The following HDAC9 variants were observed in gnomAD, a reference collection of about 807,000 sequenced individuals.
HDAC9 encodes the protein MEF-2 interacting transcription repressor (MITR) protein.
A neutral mutation model predicts 139.4 loss-of-function variants in HDAC9; 41 were observed. The ratio of observed to expected loss-of-function variants is 0.29; its 90% CI spans 0.23 to 0.38. The LOEUF (loss-of-function observed/expected upper bound fraction) is 0.38, where lower values mean the gene tolerates loss of function less well. HDAC9 is among the 10% of genes least tolerant of loss of function. HDAC9 has a pLI of 1.00. For missense variants in HDAC9, 1,147 were observed against 1,297.0 expected (o/e 0.88, Z 1.78); for synonymous variants, 517 against 476.2 (o/e 1.09, Z -1.12).
rs74544568 is a variant in HDAC9 at position 18,932,683 on chromosome 7, G to T, written c.2804-3126G>T. Among the ~76,000 whole-genome samples the T allele has an allele frequency of 4.1e-3, 619 of 151,860 alleles. 3 individuals carry two copies. Among genetic ancestry groups the T allele is most frequent in the African/African-American group, 0.014 (578 of 41,414 alleles). The stretch of plus-strand genomic sequence containing the variant: ...TTGGAAGAGAATAAATAGGAGAAAA[G>T]AAAATACTCCTAAATAAAACATCAT... On this transcript the variant is annotated intron_variant, in intron 22 of 25. Transcript: ENST00000686413.
At chr7:18,338,950 C>T (rs1022785231) in intron 1 of HDAC9, among the ~76,000 whole-genome samples, 2 of 151,424 alleles carry the variant, frequency 1.3e-5, no homozygotes, top group South Asian at 2.1e-4. Flanking sequence ...TAATAAATAT[C>T]GTGCTATTCA....
chr7:18,796,232 G>A lies in HDAC9; in HGVS notation c.2322+2780G>A, dbSNP rs150917334. Among the ~76,000 whole-genome samples, 358 of 152,284 alleles carry A rather than the reference G, an allele frequency of 2.4e-3. 6 individuals carry two copies. Among genetic ancestry groups the A allele is most frequent in the Admixed American group, 0.016 (245 of 15,292 alleles). On this transcript the variant is annotated intron_variant, in intron 17 of 25. Coordinates refer to ENST00000686413, the MANE Select transcript of HDAC9 (RefSeq NM_178425.4). Reference sequence around the variant, plus strand: ...TAGAGGAGGTCTCTGAGATCACAGAGGATGAGGACCTAAAAGATAAGAAAT... The same window carrying A: ...TAGAGGAGGTCTCTGAGATCACAGAAGATGAGGACCTAAAAGATAAGAAAT...
chr7:18,894,619 A>G (rs1334676114), intron 22 of HDAC9, among the ~76,000 whole-genome samples: 6 of 152,146 alleles, frequency 3.9e-5, no homozygotes, highest in Non-Finnish European at 7.4e-5. Context: ...GCTGCTCTTG[A>G]GGAATTTTAT....
At chr7:18,700,987 G>A (rs985787068) in intron 12 of HDAC9, among the ~76,000 whole-genome samples, 1 of 152,162 alleles carries the variant, frequency 6.6e-6, no homozygotes, top group Non-Finnish European at 1.5e-5. Context: ...CTGGGTACCT[G>A]TACTGCTACC....
chr7:18,699,336 G>A (rs1783286625), intron 12 of HDAC9, among the ~76,000 whole-genome samples: 1 of 152,042 alleles, frequency 6.6e-6, no homozygotes, highest in African/African-American at 2.4e-5. Flanking sequence ...ACAGAGAGCA[G>A]TGTGGGCAGG....
intron 5 of HDAC9, 82 bp downstream of exon 5, chr7:18,591,724 A>AGCCT (rs1831049280): frequency 6.5e-7 from 1 of 1,527,028 alleles, no homozygotes; most frequent in Non-Finnish European, 8.9e-7. Flanking sequence ...ACACATCCTT[A>AGCCT]GCCTGCCATT....
intron 22 of HDAC9, among the ~76,000 whole-genome samples, chr7:18,914,318 A>G (rs1019447695): frequency 6.6e-6 from 1 of 151,744 alleles, no homozygotes; most frequent in Admixed American, 6.6e-5. Flanking sequence ...ACAGCAGCCC[A>G]GACAGACGAA....
intron 2 of HDAC9, among the ~76,000 whole-genome samples, chr7:18,218,398 C>G (rs537943657): frequency 5.9e-5 from 9 of 152,070 alleles, no homozygotes; most frequent in Non-Finnish European, 1.2e-4. Flanking sequence ...GAGCTGAGAT[C>G]ACATCACTGC....
chr7:18,165,462 G>T (rs999581978), intron 2 of HDAC9, among the ~76,000 whole-genome samples: 2 of 152,118 alleles, frequency 1.3e-5, no homozygotes, highest in African/African-American at 4.8e-5. Context: ...TGCTAATTCA[G>T]TTATTTTGTT....
At chr7:18,886,985 CT>C (rs1330850105) in intron 22 of HDAC9, among the ~76,000 whole-genome samples, 1 of 152,130 alleles carries the variant, frequency 6.6e-6, no homozygotes, top group African/African-American at 2.4e-5. Flanking sequence ...TGGTCAAATC[CT>C]TTGTTAAGTA....
chr7:18,642,202 A>G (rs921159635), intron 8 of HDAC9, among the ~76,000 whole-genome samples: 1 of 152,020 alleles, frequency 6.6e-6, no homozygotes, highest in African/African-American at 2.4e-5. Context: ...TTCATCAAGA[A>G]TTGTCTCCAT....
At chr7:18,935,366 G>T (rs1339202080) in intron 22 of HDAC9, among the ~76,000 whole-genome samples, 1 of 151,932 alleles carries the variant, frequency 6.6e-6, no homozygotes, top group East Asian at 1.9e-4. Context: ...TATTATATTA[G>T]ATAATGTAAA....
At chr7:18,375,152 A>C (rs940493335) in intron 1 of HDAC9, among the ~76,000 whole-genome samples, 14 of 152,216 alleles carry the variant, frequency 9.2e-5, no homozygotes, top group African/African-American at 3.4e-4. Context: ...GCATGTTACT[A>C]CATAAAATTG....
intron 1 of HDAC9, among the ~76,000 whole-genome samples, chr7:18,420,338 C>G (rs112472918): frequency 6.8e-4 from 103 of 152,212 alleles, no homozygotes; most frequent in African/African-American, 2.4e-3. Flanking sequence ...TTTGTGATTG[C>G]TAGAGGTAAC....
intron 14 of HDAC9, among the ~76,000 whole-genome samples, chr7:18,752,312 T>A (rs905166621): frequency 1.3e-5 from 2 of 152,218 alleles, no homozygotes; most frequent in African/African-American, 4.8e-5. Context: ...TTAGTGTTTC[T>A]GAGCCTTCTA....
chr7:18,811,926 G>C (rs909962545), intron 17 of HDAC9, among the ~76,000 whole-genome samples: 2 of 151,612 alleles, frequency 1.3e-5, no homozygotes. Flanking sequence ...ATATTCACAG[G>C]GGATTGGTTT....
At chr7:18,850,932 C>T (rs1797241754) in intron 21 of HDAC9, among the ~76,000 whole-genome samples, 1 of 152,184 alleles carries the variant, frequency 6.6e-6, no homozygotes, top group African/African-American at 2.4e-5. Context: ...TTCTTGAGGG[C>T]TCTGCTCCCA....
At chr7:18,361,251 T>G (rs1023587997) in intron 1 of HDAC9, among the ~76,000 whole-genome samples, 3 of 152,200 alleles carry the variant, frequency 2.0e-5, no homozygotes, top group Non-Finnish European at 4.4e-5. Context: ...TTTCTTCTCC[T>G]AAAATATTAA....
intron 22 of HDAC9, among the ~76,000 whole-genome samples, chr7:18,898,004 A>G (rs1801370935): frequency 6.6e-6 from 1 of 151,986 alleles, no homozygotes; most frequent in African/African-American, 2.4e-5. Context: ...TTGTATATGC[A>G]TGAATAGTAA....
Sources: gnomAD v4.1 joint callset for allele counts (sites outside exome capture counted in the v4.1 genomes callset) on GRCh38, gnomAD v4.1.1 for gene constraint, MANE v1.5 for transcripts, NCBI Gene and HGNC (gene_info 2026-07-23, HGNC 2026-07-21) for gene names.